SLC9C1: variants seen among roughly 807,000 people sequenced by gnomAD.
SLC9C1 encodes the protein solute carrier family 9 member C1, also known as sodium/hydrogen exchanger 10.
Under a neutral mutation model 140.9 loss-of-function variants are expected in SLC9C1, and 97 were observed. The ratio of observed to expected loss-of-function variants is 0.69; its 90% CI spans 0.58 to 0.82. The LOEUF (loss-of-function observed/expected upper bound fraction) is 0.82. SLC9C1 is among the 40% of genes least tolerant of loss of function. The pLI is 0.00. For missense variants in SLC9C1, 1,340 were observed against 1,389.3 expected, an observed-to-expected ratio of 0.96 and a Z score of 0.56; for synonymous variants, 440 against 442.6, an observed-to-expected ratio of 0.99 and a Z score of 0.07.
At chr3:112,207,741 C>A (rs1214001465) in intron 16 of SLC9C1, among the ~76,000 whole-genome samples, 2 of 152,126 alleles carry the variant, frequency 1.3e-5, no homozygotes, top group African/African-American at 2.4e-5. Flanking sequence ...CCCTTGAATA[C>A]CTTCCTTCTC....
rs116967093 is a variant in SLC9C1 at position 112,269,401 on chromosome 3, C to T, written c.775+515G>A. 5.9e-5 allele frequency among the ~76,000 whole-genome samples: 9 copies of T among 152,306 alleles called. No individual in the cohort carries two copies. In the East Asian group the frequency reaches 9.6e-4, roughly 16 times the overall value. On this transcript the variant is annotated intron_variant, in intron 7 of 28. Coordinates refer to ENST00000305815, the MANE Select transcript of SLC9C1 (RefSeq NM_183061.3). The stretch of plus-strand genomic sequence containing the variant: ...CTAGGATTATAGGCATAAGCCACCA[C>T]GCCTGGTAGGAACCCTCTTTTTGTA...
intron 13 of SLC9C1, among the ~76,000 whole-genome samples, chr3:112,221,586 C>T (rs1260898537): frequency 6.6e-6 from 1 of 151,994 alleles, no homozygotes; most frequent in East Asian, 1.9e-4. Flanking sequence ...AAAAAAAATC[C>T]TACTATACAT....
chr3:112,151,552 A>T, intron 28 of SLC9C1: 1 of 527,940 alleles, frequency 1.9e-6, no homozygotes, highest in Non-Finnish European at 3.7e-6. Flanking sequence ...CCAACAGTAC[A>T]TGGTAGCCTG....
At chr3:112,202,495 A>ATT in intron 17 of SLC9C1, 96 bp from the exon 18 acceptor site, 2 of 1,258,058 alleles carry the variant, frequency 1.6e-6, no homozygotes, top group Admixed American at 4.8e-5. Context: ...ATAAGAAATT[A>ATT]AGTGCCCTCA....
At chr3:112,237,769 A>G (rs2079030701) in intron 12 of SLC9C1, among the ~76,000 whole-genome samples, 2 of 152,118 alleles carry the variant, frequency 1.3e-5, no homozygotes, top group Admixed American at 1.3e-4. Flanking sequence ...TTCTCTGAGA[A>G]TGTTGAATAT....
At chr3:112,204,180 G>A in intron 17 of SLC9C1, 38 bp downstream of exon 17, 1 of 1,416,582 alleles carries the variant, frequency 7.1e-7, no homozygotes, top group Non-Finnish European at 9.2e-7. Flanking sequence ...GAAACAATCA[G>A]TAGGAATTAG....
chr3:112,177,738 T>G (rs1490730358), intron 23 of SLC9C1, among the ~76,000 whole-genome samples: 1 of 145,474 alleles, frequency 6.9e-6, no homozygotes, highest in African/African-American at 2.5e-5. Context: ...AAAAAAAAAA[T>G]TAAATAGAAA....
intron 26 of SLC9C1, among the ~76,000 whole-genome samples, chr3:112,155,329 T>A (rs892207663): frequency 6.6e-6 from 1 of 152,196 alleles, no homozygotes; most frequent in Non-Finnish European, 1.5e-5. Flanking sequence ...TATATTAATA[T>A]GTATTGAGGG....
chr3:112,225,884 A>G (rs1576386926), intron 13 of SLC9C1, among the ~76,000 whole-genome samples: 1 of 152,290 alleles, frequency 6.6e-6, no homozygotes, highest in East Asian at 1.9e-4. Flanking sequence ...AGGACATATA[A>G]ATACCAAAAA....
In SLC9C1 at chr3:112,182,200, G is replaced by GT. The variant is rs2077451693; in HGVS notation, c.2581dup (p.Thr861AsnfsTer3). The GT allele has an allele frequency of 6.2e-7, 1 of 1,607,576 alleles. No individual in the cohort carries two copies. The highest frequency in any genetic ancestry group is 1.1e-5 in the South Asian group (1 of 89,368). On this transcript the variant is annotated frameshift_variant, in exon 21 of 29. Coordinates refer to ENST00000305815, the MANE Select transcript of SLC9C1 (RefSeq NM_183061.3). LOFTEE classifies it high-confidence loss of function. ...AATATGATATAGAACTTCTTCAACAGTAAGAGGCCTGATAATAGATTGAGA... is the reference window on the plus strand; with the variant it reads ...AATATGATATAGAACTTCTTCAACAGTTAAGAGGCCTGATAATAGATTGAGA...
In SLC9C1 at chr3:112,274,985, A is replaced by T. The variant is rs369639106; in HGVS notation, c.525T>A (p.Ser175Arg). Residue 175 changes from serine (S) to arginine (R), a missense_variant, in exon 6 of 29, where the codon AGT becomes AGA. Coordinates refer to ENST00000305815, the MANE Select transcript of SLC9C1 (RefSeq NM_183061.3). ...TTAATGATATAACAGAGGTCATCAG[A>T]CTTTCTCCATTAATTAAACTGATGA... ...RSLISLINGESLMTSVISLIT... is the reference protein window; with the variant it reads ...RSLISLINGERLMTSVISLIT... The T allele has an allele frequency of 6.3e-7, 1 of 1,580,716 alleles. No individual in the cohort carries two copies. Among genetic ancestry groups the T allele is most frequent in the Non-Finnish European group, 8.5e-7 (1 of 1,170,114 alleles).
chr3:112,205,914 G>A (rs1265503525), intron 16 of SLC9C1, among the ~76,000 whole-genome samples: 1 of 98,302 alleles, frequency 1.0e-5, no homozygotes, highest in Non-Finnish European at 2.1e-5. Flanking sequence ...AGAAAACCTA[G>A]GCATTACCAT....
chr3:112,199,201 T>C, intron 20 of SLC9C1, 120 bp downstream of exon 20: 1 of 825,980 alleles, frequency 1.2e-6, no homozygotes, highest in East Asian at 3.1e-5. Flanking sequence ...CAGAAAATTA[T>C]TTTAAGTGAG....
chr3:112,232,946 A>G (rs528370269), intron 12 of SLC9C1, among the ~76,000 whole-genome samples: 43 of 151,488 alleles, frequency 2.8e-4, no homozygotes, highest in Non-Finnish European at 3.4e-4. Flanking sequence ...TAGATACACA[A>G]TAGCCTAAAT....
intron 2 of SLC9C1, among the ~76,000 whole-genome samples, chr3:112,281,224 G>T (rs13081935): frequency 2.0e-5 from 3 of 151,948 alleles, no homozygotes; most frequent in East Asian, 1.9e-4. Flanking sequence ...TGCTGCAACT[G>T]GTTCATTTTC....
chr3:112,263,270 G>C (rs574563275), intron 9 of SLC9C1, among the ~76,000 whole-genome samples, 172 bp from the exon 10 acceptor site: 4 of 151,996 alleles, frequency 2.6e-5, no homozygotes, highest in African/African-American at 7.2e-5. Context: ...ATTCCATAGA[G>C]AGACATGCCA....
chr3:112,159,090 AT>A (rs924469651), intron 26 of SLC9C1, among the ~76,000 whole-genome samples: 9 of 149,654 alleles, frequency 6.0e-5, no homozygotes, highest in African/African-American at 1.5e-4. Flanking sequence ...GTGTCATTAG[AT>A]TTTTTTTTAA....
chr3:112,186,416 A>C (rs950308923), intron 20 of SLC9C1, among the ~76,000 whole-genome samples: 1 of 152,186 alleles, frequency 6.6e-6, no homozygotes, highest in Non-Finnish European at 1.5e-5. Flanking sequence ...TTAATAGTAT[A>C]AGAACTCTAC....
chr3:112,146,165 G>A lies in SLC9C1; in HGVS notation c.3525-4884C>T, dbSNP rs138775154. ...GTATTTCTGTGGGATTGGTTATAAC[G>A]TCACCTTTGTCATTTCTGATTGTGT... On this transcript the variant is annotated intron_variant, in intron 28 of 28. Coordinates refer to ENST00000305815, the MANE Select transcript of SLC9C1 (RefSeq NM_183061.3). Among the ~76,000 whole-genome samples, 483 of 151,362 alleles carry A rather than the reference G, an allele frequency of 3.2e-3. 10 individuals are homozygous for A. Among genetic ancestry groups the A allele is most frequent in the Admixed American group, 0.024 (368 of 15,216 alleles).
Sources: allele counts gnomAD v4.1 joint callset (sites outside exome capture counted in the v4.1 genomes callset), GRCh38; gene constraint gnomAD v4.1.1; transcripts MANE v1.5; gene names NCBI Gene and HGNC (gene_info 2026-07-23, HGNC 2026-07-21).